DDX4: variants seen among roughly 807,000 people sequenced by gnomAD.
DDX4 encodes the protein probable ATP-dependent RNA helicase DDX4.
A neutral mutation model predicts 100.0 loss-of-function variants in DDX4; 25 were observed. The ratio of observed to expected loss-of-function variants is 0.25; its 90% CI spans 0.18 to 0.35. The LOEUF is 0.35. DDX4 is among the 10% of genes least tolerant of loss of function. The pLI, the probability that DDX4 is intolerant of heterozygous loss-of-function variation, is 1.00. For missense variants in DDX4, 635 were observed against 882.4 expected, an observed-to-expected ratio of 0.72 and a Z score of 3.55; for synonymous variants, 259 against 275.7, an observed-to-expected ratio of 0.94 and a Z score of 0.60.
At chr5:55,765,410 A>AT (rs1273973009) in intron 6 of DDX4, among the ~76,000 whole-genome samples, 1,952 of 109,072 alleles carry the variant, frequency 0.018, 23 homozygotes, top group African/African-American at 0.048. Flanking sequence ...AAAAAAAAAA[A>AT]AAAATATATA....
intron 3 of DDX4, among the ~76,000 whole-genome samples, chr5:55,756,271 A>G (rs1156780326): frequency 2.0e-5 from 3 of 152,190 alleles, no homozygotes; most frequent in Non-Finnish European, 4.4e-5. Context: ...GAAGAATCTC[A>G]TACTGCACCC....
chr5:55,804,084 AT>A lies in DDX4; in HGVS notation c.1615+5519del, dbSNP rs1743524754. Among the ~76,000 whole-genome samples, 3 of 151,414 alleles carry A rather than the reference AT, an allele frequency of 2.0e-5. No homozygotes were observed. The South Asian group carries it at 6.3e-4, about 32-fold the overall frequency. ...TCTCTGATGGCCAGTGATGGTGAGC[AT>A]TTTTTCATGTGGTTTTTGGCTGCAT... On this transcript the variant is annotated intron_variant, in intron 18 of 21. Transcript: ENST00000505374.
Position 55,815,452 on chromosome 5 carries a change from G to A in DDX4, c.2097+29G>A, listed in dbSNP as rs1744343077. 3 of 1,592,724 alleles carry A rather than the reference G, an allele frequency of 1.9e-6. No homozygotes were observed. In the Admixed American group the frequency reaches 5.5e-5, roughly 29 times the overall value. On this transcript the variant is annotated intron_variant, in intron 21 of 21. Coordinates refer to ENST00000505374, the MANE Select transcript of DDX4 (RefSeq NM_024415.3). ...AGTAGAAAGGAAAACTTGAGAACTT[G>A]TCTTCTAGTTACTCTTTGTAAATGT... is the stretch of plus-strand genomic sequence containing the variant.
At chr5:55,768,073 C>T in intron 7 of DDX4, 133 bp downstream of exon 7, 2 of 806,160 alleles carry the variant, frequency 2.5e-6, no homozygotes, top group Non-Finnish European at 4.2e-6. Context: ...TATATGTTTT[C>T]TGCTTTTAAT....
chr5:55,816,565 G>A lies in DDX4; in HGVS notation c.*25G>A. The A allele has an allele frequency of 6.2e-7, 1 of 1,603,174 alleles. No homozygotes were observed. Among genetic ancestry groups the A allele is most frequent in the Non-Finnish European group, 8.5e-7 (1 of 1,176,278 alleles). On this transcript the variant is annotated 3_prime_UTR_variant, in exon 22 of 22. Coordinates refer to ENST00000505374, the MANE Select transcript of DDX4 (RefSeq NM_024415.3). Reference sequence around the variant, plus strand: ...AAGCCAAAACATCCTTCAAGTCTGTGGTTTTGATGCAGAGAAGAAAATAGT... The same window carrying A: ...AAGCCAAAACATCCTTCAAGTCTGTAGTTTTGATGCAGAGAAGAAAATAGT...
At chr5:55,756,616 T>G (rs1395240382) in intron 3 of DDX4, among the ~76,000 whole-genome samples, 1 of 152,148 alleles carries the variant, frequency 6.6e-6, no homozygotes, top group East Asian at 1.9e-4. Context: ...TGGGTTCTTT[T>G]GCTTGGTGGT....
intron 3 of DDX4, among the ~76,000 whole-genome samples, chr5:55,753,410 A>C (rs1257228383): frequency 1.3e-5 from 2 of 152,108 alleles, no homozygotes; most frequent in Non-Finnish European, 2.9e-5. Flanking sequence ...TGTTCCCAGC[A>C]CCATTTATTA....
intron 3 of DDX4, among the ~76,000 whole-genome samples, chr5:55,752,550 A>G (rs1298212339): frequency 6.9e-6 from 1 of 145,058 alleles, no homozygotes; most frequent in Non-Finnish European, 1.5e-5. Context: ...TCCATGGTGT[A>G]TATGTGCCAC....
chr5:55,785,757 T>G lies in DDX4; in HGVS notation c.750T>G (p.Pro250=). Residue 250 remains proline (P), a synonymous_variant, in exon 13 of 22, where the codon CCT becomes CCG. Coordinates refer to ENST00000505374, the MANE Select transcript of DDX4 (RefSeq NM_024415.3). ...QGPKVTYIPP[P]PPEDEDSIFA... is the part of the protein sequence containing the mutation. ...CAAAAGTGACCTACATACCCCCTCC[T>G]CCACCTGAGGATGAGGACTCCATCT... 1 of 1,612,196 alleles carries G rather than the reference T, an allele frequency of 6.2e-7. No homozygotes were observed.
rs1740677137 is a variant in DDX4 at position 55,763,246 on chromosome 5, A to G, written c.277A>G (p.Asn93Asp). Residue 93 changes from asparagine (N) to aspartate (D), a missense_variant, in exon 5 of 22, where the codon AAC (asparagine) becomes GAC (aspartate). Coordinates refer to ENST00000505374, the MANE Select transcript of DDX4 (RefSeq NM_024415.3). ...GGFGVGKSFG[N>D]RGFSNSRFED... is the part of the protein sequence containing the mutation. ...TTTTGGAGTTGGAAAGAGTTTTGGA[A>G]ACAGAGGTAATTACTTGGTTATGAT... is the stretch of plus-strand genomic sequence containing the variant. 6.3e-7 allele frequency: 1 copy of G among 1,599,932 alleles called. No individual in the cohort carries two copies.
intron 13 of DDX4, 122 bp downstream of exon 13, chr5:55,785,993 T>C (rs886575941): frequency 9.8e-6 from 6 of 613,988 alleles, no homozygotes; most frequent in Non-Finnish European, 1.7e-5. Flanking sequence ...AGGTCTTAGG[T>C]TGGAAATTTA....
At chr5:55,805,337 C>T (rs75618773) in intron 18 of DDX4, among the ~76,000 whole-genome samples, 1 of 151,078 alleles carries the variant, frequency 6.6e-6, no homozygotes, top group Non-Finnish European at 1.5e-5. Context: ...CCTAATTGCC[C>T]TGGCCAGAAC....
chr5:55,778,764 C>T (rs1466710260), intron 7 of DDX4, among the ~76,000 whole-genome samples: 3 of 152,126 alleles, frequency 2.0e-5, no homozygotes, highest in South Asian at 4.2e-4. Flanking sequence ...CATGTTGGTT[C>T]ATGCCTGTAA....
intron 13 of DDX4, 75 bp downstream of exon 13, chr5:55,785,946 G>A: frequency 9.7e-7 from 1 of 1,028,652 alleles, no homozygotes; most frequent in Non-Finnish European, 1.5e-6. Flanking sequence ...AGTTTGTAAA[G>A]CTGATATCAA....
intron 2 of DDX4, among the ~76,000 whole-genome samples, chr5:55,743,746 T>C (rs1205274851): frequency 6.6e-6 from 1 of 152,176 alleles, no homozygotes; most frequent in Non-Finnish European, 1.5e-5. Flanking sequence ...GCTTTTTTAA[T>C]GATAAAATTC....
chr5:55,799,145 G>A (rs1743145284), intron 18 of DDX4, among the ~76,000 whole-genome samples: 1 of 151,944 alleles, frequency 6.6e-6, no homozygotes, highest in Admixed American at 6.6e-5. Flanking sequence ...ATAGCTTATG[G>A]CAGCCTCAAA....
At chr5:55,775,926 A>G (rs1324206937) in intron 7 of DDX4, among the ~76,000 whole-genome samples, 1 of 152,096 alleles carries the variant, frequency 6.6e-6, no homozygotes, top group African/African-American at 2.4e-5. Flanking sequence ...TTTGAGACCA[A>G]CCTGGCCAAC....
chr5:55,769,208 T>G (rs977312296), intron 7 of DDX4, among the ~76,000 whole-genome samples: 4 of 152,146 alleles, frequency 2.6e-5, no homozygotes, highest in Admixed American at 2.6e-4. Context: ...GTGTCTAGAA[T>G]GGTATTTTGT....
At chr5:55,763,130 C>T (rs946942597) in intron 4 of DDX4, 45 bp from the exon 5 acceptor site, 1 of 1,278,772 alleles carries the variant, frequency 7.8e-7, no homozygotes, top group Non-Finnish European at 1.1e-6. Context: ...TGATGACACA[C>T]TTAATTTTAT....
Sources: allele counts gnomAD v4.1 joint callset (sites outside exome capture counted in the v4.1 genomes callset), GRCh38; gene constraint gnomAD v4.1.1; transcripts MANE v1.5; gene names NCBI Gene and HGNC (gene_info 2026-07-23, HGNC 2026-07-21).